The following ZNF462 variants were observed in gnomAD, a reference collection of about 807,000 sequenced individuals.
ZNF462 encodes zinc finger protein 462.
A neutral mutation model predicts 201.9 loss-of-function variants in ZNF462; 10 were observed. That is an observed-to-expected ratio of 0.05 (90% confidence interval 0.03 to 0.08). The LOEUF is 0.08. Among genes scored for constraint, ZNF462 ranks in the 10% least tolerant of loss-of-function variants. ZNF462 has a pLI of 1.00. For synonymous variants in ZNF462, 1,227 were observed against 1,193.3 expected, an observed-to-expected ratio of 1.03 and a Z score of -0.58; for missense variants, 2,523 against 3,168.3, an observed-to-expected ratio of 0.80 and a Z score of 4.89.
At chr9:106,892,529 C>T (rs932393050) in intron 1 of ZNF462, among the ~76,000 whole-genome samples, 1 of 151,962 alleles carries the variant, frequency 6.6e-6, no homozygotes, top group Non-Finnish European at 1.5e-5. Flanking sequence ...AAATTTTTAC[C>T]GTATCTAAGG....
At chr9:106,918,883 T>G (rs568901146) in intron 1 of ZNF462, among the ~76,000 whole-genome samples, 1 of 152,320 alleles carries the variant, frequency 6.6e-6, no homozygotes, top group African/African-American at 2.4e-5. Context: ...AAACAACAGG[T>G]GCTAATGAGA....
At chr9:106,936,731 G>A (rs1830647780) in intron 6 of ZNF462, among the ~76,000 whole-genome samples, 2 of 152,174 alleles carry the variant, frequency 1.3e-5, no homozygotes, top group South Asian at 4.1e-4. Flanking sequence ...GGTGAGTTTT[G>A]CCCATAGGCC....
intron 1 of ZNF462, among the ~76,000 whole-genome samples, chr9:106,879,324 T>G (rs13288414): frequency 4.6e-5 from 5 of 107,664 alleles, no homozygotes; most frequent in East Asian, 2.5e-4. Flanking sequence ...CCTAGAGAGA[T>G]GCTTTCCACC....
At chr9:106,879,451 T>C (rs952006280) in intron 1 of ZNF462, among the ~76,000 whole-genome samples, 1 of 151,704 alleles carries the variant, frequency 6.6e-6, no homozygotes, top group Non-Finnish European at 1.5e-5. Context: ...TCTGCCTCTT[T>C]TGGAACCTGT....
Position 106,928,029 on chromosome 9 carries a change from G to A in ZNF462, c.4117G>A (p.Asp1373Asn), listed in dbSNP as rs778846140. Reference sequence around the variant, plus strand: ...CGAAGCCAAAACCTACAGATGCAGGGACTGTGTTTTCGAAGCTGTTTCCAT... The same window carrying A: ...CGAAGCCAAAACCTACAGATGCAGGAACTGTGTTTTCGAAGCTGTTTCCAT... Reference protein sequence around the residue: ...PAEAKTYRCRDCVFEAVSIWD... With the variant: ...PAEAKTYRCRNCVFEAVSIWD... The change falls in exon 3 of 13, where the codon GAC becomes AAC. Residue 1373 changes from aspartate to asparagine, a missense_variant. This residue lies in a region of ZNF462 where 165 missense variants were observed against 142.6 expected (regional missense o/e 1.16). Transcript: ENST00000277225. The surrounding 1 kb of genome is among the most constrained non-coding windows in gnomAD (Gnocchi z 9.3). The A allele has an allele frequency of 1.2e-6, 2 of 1,614,168 alleles. No individual in the cohort carries two copies. The highest frequency in any genetic ancestry group is 1.7e-5 in the Admixed American group (1 of 60,016).
At chr9:106,946,474 T>C (rs952543548) in intron 7 of ZNF462, among the ~76,000 whole-genome samples, 1 of 152,140 alleles carries the variant, frequency 6.6e-6, no homozygotes, top group African/African-American at 2.4e-5. Context: ...CAAACTGTCT[T>C]GAGACTTCTT....
rs1163695505 is a variant in ZNF462, at chr9:106,908,941, A to ATTTTTTT, written c.-30-14380_-30-14374dup. Among the ~76,000 whole-genome samples the ATTTTTTT allele has an allele frequency of 1.2e-4, 3 of 25,350 alleles. 1 individual carries two copies. The highest frequency in any genetic ancestry group is 1.8e-4 in the African/African-American group (1 of 5,558). 16.6% of individuals were successfully genotyped at this position (25,350 alleles called of 152,430 possible). On this transcript the variant is annotated intron_variant, in intron 1 of 12. Transcript: ENST00000277225. ...TATATATATATATATATATATATAT[A>ATTTTTTT]TTTTTTTTTTTTTTTTTTTTTTTTT...
chr9:106,958,810 C>T (rs572266727), intron 7 of ZNF462, among the ~76,000 whole-genome samples: 1 of 152,130 alleles, frequency 6.6e-6, no homozygotes, highest in Admixed American at 6.5e-5. Context: ...AGAAAGAAAG[C>T]CATGGTGAAG....
chr9:106,929,779 T>C lies in ZNF462; in HGVS notation c.5847+20T>C, dbSNP rs1830349047. 6.3e-7 allele frequency: 1 copy of C among 1,587,018 alleles called. No homozygotes were observed. The highest frequency in any genetic ancestry group is 1.7e-5 in the Admixed American group (1 of 58,484). Reference sequence around the variant, plus strand: ...GAGAGGGTAAGGATATGTTTTGATTTCCCTTCCCCCAGGAGGCCTCTCATC... The same window carrying C: ...GAGAGGGTAAGGATATGTTTTGATTCCCCTTCCCCCAGGAGGCCTCTCATC... On this transcript the variant is annotated intron_variant, in intron 3 of 12. Coordinates refer to ENST00000277225, the MANE Select transcript of ZNF462 (RefSeq NM_021224.6). The surrounding 1 kb of genome is among the most constrained non-coding windows in gnomAD (Gnocchi z 8.7).
In ZNF462 at chr9:106,920,264, C is replaced by T. The variant is rs1429423357; in HGVS notation, c.-30-3090C>T. 1.3e-5 allele frequency among the ~76,000 whole-genome samples: 2 copies of T among 152,140 alleles called. No homozygotes were observed. The highest frequency in any genetic ancestry group is 4.8e-5 in the African/African-American group (2 of 41,434). ...CTCTGTCCTTCTCTACTCCCTTCCC[C>T]TCCACTTGCTGTCACTTTTTGCACA... On this transcript the variant is annotated intron_variant, in intron 1 of 12. Coordinates refer to ENST00000277225, the MANE Select transcript of ZNF462 (RefSeq NM_021224.6). The surrounding 1 kb of genome is among the most constrained non-coding windows in gnomAD (Gnocchi z 4.3).
chr9:106,930,659 C>T lies in ZNF462; in HGVS notation c.5982C>T (p.Gly1994=). Residue 1994 remains glycine (G), a synonymous_variant, in exon 4 of 13, where the codon GGC becomes GGT. Transcript: ENST00000277225. This position sits in a 1 kb window ranked among gnomAD's most constrained non-coding sequence, Gnocchi z 5.8. The part of the protein sequence containing the change: ...CNHLRKHVQY[G]NVPAVSAAVK... ...ACCTCCGAAAGCACGTCCAGTATGG[C>T]AATGTCCCAGCTGTGTCAGCTGCTG... 1 of 1,614,134 alleles carries T rather than the reference C, an allele frequency of 6.2e-7. No individual in the cohort carries two copies. Among genetic ancestry groups the T allele is most frequent in the Non-Finnish European group, 8.5e-7 (1 of 1,180,014 alleles).
Position 107,011,613 on chromosome 9 carries a change from C to T in ZNF462, c.*583C>T, listed in dbSNP as rs1829928213. The stretch of plus-strand genomic sequence containing the variant: ...TGCATTTGTCAGTACTACCTGTCGT[C>T]GTTGTGGTTAAATGTAGAGAGAACT... On this transcript the variant is annotated 3_prime_UTR_variant, in exon 13 of 13. Coordinates refer to ENST00000277225, the MANE Select transcript of ZNF462 (RefSeq NM_021224.6). This position sits in a 1 kb window ranked among gnomAD's most constrained non-coding sequence, Gnocchi z 5.6. 1.3e-5 allele frequency: 2 copies of T among 151,420 alleles called. No individual in the cohort carries two copies. The highest frequency in any genetic ancestry group is 2.9e-5 in the Non-Finnish European group (2 of 67,986). 9.4% of individuals were successfully genotyped at this position (151,420 alleles called of 1,614,324 possible).
chr9:106,959,715 A>C (rs959920548), intron 7 of ZNF462, among the ~76,000 whole-genome samples: 1 of 152,118 alleles, frequency 6.6e-6, no homozygotes, highest in African/African-American at 2.4e-5. Context: ...AATAATTCTC[A>C]TAAGGTCATG....
chr9:106,873,150 A>G (rs914354171), intron 1 of ZNF462, among the ~76,000 whole-genome samples: 1 of 152,186 alleles, frequency 6.6e-6, no homozygotes, highest in Admixed American at 6.5e-5. Context: ...CCAGGAGTAT[A>G]TCCTTGGAGT....
At chr9:106,893,887 T>C (rs1013883592) in intron 1 of ZNF462, among the ~76,000 whole-genome samples, 3 of 152,214 alleles carry the variant, frequency 2.0e-5, no homozygotes, top group African/African-American at 7.2e-5. Context: ...AGTTGCGCTC[T>C]ATGCATTGTG....
At chr9:106,990,971 G>T (rs1368203499) in intron 10 of ZNF462, among the ~76,000 whole-genome samples, 2 of 151,954 alleles carry the variant, frequency 1.3e-5, no homozygotes, top group Admixed American at 6.6e-5. Context: ...ACAAACACCT[G>T]ATTTCAGGGT....
In ZNF462 at chr9:107,001,240, A is replaced by G. The variant is rs1227302863; in HGVS notation, c.7057-2054A>G. 2.6e-5 allele frequency among the ~76,000 whole-genome samples: 4 copies of G among 152,202 alleles called. No individual in the cohort carries two copies. In the East Asian group the frequency reaches 5.8e-4, roughly 22 times the overall value. ...TTTTCCTGAAAAACTAGCAAGCCAG[A>G]AAACTTTTTATTCAAATATTTATCA... On this transcript the variant is annotated intron_variant, in intron 10 of 12. Transcript: ENST00000277225.
chr9:106,925,984 A>T lies in ZNF462; in HGVS notation c.2072A>T (p.Lys691Met). 6.2e-7 allele frequency: 1 copy of T among 1,614,212 alleles called. No individual in the cohort carries two copies. The highest frequency in any genetic ancestry group is 8.5e-7 in the Non-Finnish European group (1 of 1,180,044). Residue 691 changes from lysine to methionine, a missense_variant, in exon 3 of 13, where the codon AAG (lysine) becomes ATG (methionine). By Grantham distance (95) the Lys-to-Met change is moderately conservative. Transcript: ENST00000277225. The surrounding 1 kb of genome is among the most constrained non-coding windows in gnomAD (Gnocchi z 7.9). ...NDFPLDLSPV[K>M]KRTRIDEIAS... ...TTTCCTCTAGATTTGTCACCCGTGAAGAAGAGAACCAGGATTGACGAGATA... is the reference window on the plus strand; with the variant it reads ...TTTCCTCTAGATTTGTCACCCGTGATGAAGAGAACCAGGATTGACGAGATA...
rs1319654089 is a variant in ZNF462, at chr9:106,886,765, CACT to C, written c.-31+23413_-31+23415del. On this transcript the variant is annotated intron_variant, in intron 1 of 12. Coordinates refer to ENST00000277225, the MANE Select transcript of ZNF462 (RefSeq NM_021224.6). The surrounding 1 kb of genome is among the most constrained non-coding windows in gnomAD (Gnocchi z 4.6). ...CTGCCCTGGTGATCCATGCTTATTC[CACT>C]ACAACAGTGTTGGCAGATAGCTTCT... Among the ~76,000 whole-genome samples the C allele has an allele frequency of 6.6e-6, 1 of 152,118 alleles. No individual in the cohort carries two copies. The highest frequency in any genetic ancestry group is 2.4e-5 in the African/African-American group (1 of 41,430).
Sources: gnomAD v4.1 joint callset for allele counts (sites outside exome capture counted in the v4.1 genomes callset) on GRCh38, gnomAD v4.1.1 for gene constraint, gnomAD v4.1.1 regional missense constraint, Gnocchi (gnomAD v3.1) non-coding constraint, MANE v1.5 for transcripts, NCBI Gene and HGNC (gene_info 2026-07-23, HGNC 2026-07-21) for gene names.